The following MAGI1 variants were observed in gnomAD, a reference collection of about 807,000 sequenced individuals.
MAGI1 encodes membrane associated guanylate kinase, WW and PDZ domain containing 1, also known as membrane-associated guanylate kinase, WW and PDZ domain-containing protein 1.
Under a neutral mutation model 139.9 loss-of-function variants are expected in MAGI1, and 58 were observed. That is an observed-to-expected ratio of 0.41 (90% CI 0.34 to 0.52). MAGI1 has a LOEUF of 0.52. MAGI1 is among the 20% of genes least tolerant of loss of function. MAGI1 has a pLI of 0.12. For synonymous variants in MAGI1, 812 were observed against 737.9 expected, an observed-to-expected ratio of 1.10 and a Z score of -1.63; for missense variants, 1,874 against 1,901.6, an observed-to-expected ratio of 0.99 and a Z score of 0.27.
intron 1 of MAGI1, among the ~76,000 whole-genome samples, chr3:65,666,724 T>C (rs1167199748): frequency 6.6e-6 from 1 of 152,134 alleles, no homozygotes; most frequent in Non-Finnish European, 1.5e-5. Flanking sequence ...TAGAAAAAGA[T>C]GAAACAACCT....
chr3:66,012,789 T>C (rs1368326757), intron 1 of MAGI1, among the ~76,000 whole-genome samples: 1 of 144,790 alleles, frequency 6.9e-6, no homozygotes. Flanking sequence ...AAAGAATAAA[T>C]AAGGGGACAG....
intron 2 of MAGI1, among the ~76,000 whole-genome samples, chr3:65,608,968 T>G (rs1559716287): frequency 6.6e-6 from 1 of 152,192 alleles, no homozygotes; most frequent in Non-Finnish European, 1.5e-5. Context: ...AGAGTAATGT[T>G]AGCAAACAAA....
At chr3:65,530,658 T>TATATAC (rs1559642194) in intron 2 of MAGI1, among the ~76,000 whole-genome samples, 2 of 130,616 alleles carry the variant, frequency 1.5e-5, no homozygotes, top group African/African-American at 6.5e-5. Context: ...TGTGTGTGTG[T>TATATAC]GTGTATATAT....
intron 1 of MAGI1, among the ~76,000 whole-genome samples, chr3:65,843,126 T>G (rs951410012): frequency 3.3e-5 from 5 of 152,188 alleles, no homozygotes; most frequent in Non-Finnish European, 5.9e-5. Flanking sequence ...ATAAAAAGAA[T>G]TGATCAAAAG....
chr3:66,020,062 C>G (rs2067878200), intron 1 of MAGI1, among the ~76,000 whole-genome samples: 1 of 152,206 alleles, frequency 6.6e-6, no homozygotes, highest in African/African-American at 2.4e-5. Flanking sequence ...GCACACAGTA[C>G]ATGACGTTCC....
At chr3:65,392,004 A>T (rs537313767) in intron 13 of MAGI1, among the ~76,000 whole-genome samples, 1 of 152,182 alleles carries the variant, frequency 6.6e-6, no homozygotes, top group African/African-American at 2.4e-5. Context: ...ATTACACTTC[A>T]CCTCTTAAAC....
intron 1 of MAGI1, among the ~76,000 whole-genome samples, chr3:65,848,321 T>C (rs2059078731): frequency 6.6e-6 from 1 of 152,180 alleles, no homozygotes; most frequent in South Asian, 2.1e-4. Context: ...CAACTTAGAA[T>C]GTTTCGTATC....
At chr3:65,884,035 A>T (rs2060437796) in intron 1 of MAGI1, among the ~76,000 whole-genome samples, 1 of 152,232 alleles carries the variant, frequency 6.6e-6, no homozygotes, top group Admixed American at 6.5e-5. Context: ...TCTAGCAGAA[A>T]AGCAAGACAG....
intron 1 of MAGI1, among the ~76,000 whole-genome samples, chr3:65,972,862 A>C (rs1411705213): frequency 6.6e-6 from 1 of 152,234 alleles, no homozygotes; most frequent in African/African-American, 2.4e-5. Flanking sequence ...CAAGTTGATG[A>C]AAGTTAAACA....
At chr3:65,526,289 G>A (rs1423187675) in intron 2 of MAGI1, among the ~76,000 whole-genome samples, 1 of 152,096 alleles carries the variant, frequency 6.6e-6, no homozygotes, top group Admixed American at 6.6e-5. Context: ...AGGTAACTTG[G>A]GAAGTTACTG....
chr3:65,772,722 G>A (rs2038056515), intron 1 of MAGI1, among the ~76,000 whole-genome samples: 2 of 152,198 alleles, frequency 1.3e-5, no homozygotes, highest in Non-Finnish European at 2.9e-5. Context: ...GGCTCACTGA[G>A]GGCAGTATTG....
At chr3:65,952,121 T>C (rs1185165579) in intron 1 of MAGI1, among the ~76,000 whole-genome samples, 4 of 150,874 alleles carry the variant, frequency 2.7e-5, no homozygotes, top group Admixed American at 6.6e-5. Flanking sequence ...TGTAGATAGA[T>C]AACTCTTAGC....
intron 1 of MAGI1, among the ~76,000 whole-genome samples, chr3:65,703,096 T>G (rs532298313): frequency 2.6e-4 from 40 of 152,248 alleles, no homozygotes; most frequent in African/African-American, 9.4e-4. Context: ...CCTGACAATC[T>G]GCCTCATTTG....
At chr3:65,443,399 T>C (rs943007689) in intron 7 of MAGI1, among the ~76,000 whole-genome samples, 2 of 152,240 alleles carry the variant, frequency 1.3e-5, no homozygotes, top group African/African-American at 4.8e-5. Context: ...CCCATCTTTC[T>C]CAGCACTTAA....
intron 1 of MAGI1, among the ~76,000 whole-genome samples, chr3:65,851,587 A>G (rs1430823983): frequency 6.6e-6 from 1 of 151,994 alleles, no homozygotes; most frequent in Non-Finnish European, 1.5e-5. Context: ...CATCTCTACT[A>G]AAAATACAAA....
At chr3:65,893,569 G>A (rs1011934529) in intron 1 of MAGI1, among the ~76,000 whole-genome samples, 4 of 152,054 alleles carry the variant, frequency 2.6e-5, no homozygotes, top group African/African-American at 4.8e-5. Context: ...AGGGAATTAC[G>A]CGAGTCCCAT....
intron 1 of MAGI1, among the ~76,000 whole-genome samples, chr3:65,711,301 A>G (rs962292308): frequency 6.6e-6 from 1 of 152,226 alleles, no homozygotes; most frequent in African/African-American, 2.4e-5. Flanking sequence ...TTCAGAGGAA[A>G]TGAGGTTGAA....
intron 8 of MAGI1, among the ~76,000 whole-genome samples, chr3:65,440,832 CA>C (rs1302464983): frequency 1.3e-5 from 1 of 77,656 alleles, no homozygotes; most frequent in African/African-American, 3.8e-5. Flanking sequence ...TACATGTATA[CA>C]TATACATATA....
intron 1 of MAGI1, among the ~76,000 whole-genome samples, chr3:65,920,302 G>A (rs1252859146): frequency 6.6e-6 from 1 of 152,066 alleles, no homozygotes; most frequent in Non-Finnish European, 1.5e-5. Flanking sequence ...CCCTGTGATA[G>A]TCATTAAAAA....
Sources: allele counts gnomAD v4.1 joint callset (sites outside exome capture counted in the v4.1 genomes callset), GRCh38; gene constraint gnomAD v4.1.1; transcripts MANE v1.5; gene names NCBI Gene and HGNC (gene_info 2026-07-23, HGNC 2026-07-21).